The following GOT2 variants were observed in gnomAD, a reference collection of about 807,000 sequenced individuals.
GOT2 encodes the protein aspartate aminotransferase, mitochondrial.
A neutral mutation model predicts 50.0 loss-of-function variants in GOT2; 17 were observed. That is an observed-to-expected ratio of 0.34 (90% CI 0.23 to 0.51). The LOEUF is 0.51. Among genes scored for constraint, GOT2 ranks in the 20% least tolerant of loss-of-function variants. The pLI, the probability that GOT2 is intolerant of heterozygous loss-of-function variation, is 0.97. For synonymous variants in GOT2, 172 were observed against 204.9 expected, an observed-to-expected ratio of 0.84 and a Z score of 1.37; for missense variants, 430 against 559.6, an observed-to-expected ratio of 0.77 and a Z score of 2.34.
intron 1 of GOT2, among the ~76,000 whole-genome samples, chr16:58,726,920 G>A (rs950250837): frequency 1.3e-5 from 2 of 151,950 alleles, no homozygotes; most frequent in Non-Finnish European, 1.5e-5. Context: ...TTGGGAAGCC[G>A]AAGTAGGCGG....
rs1249620765 is a variant in GOT2, at chr16:58,716,035, G to C, written c.998C>G (p.Thr333Ser). 6 of 1,612,830 alleles carry C rather than the reference G, an allele frequency of 3.7e-6. No individual in the cohort carries two copies. Among genetic ancestry groups the C allele is most frequent in the Admixed American group, 3.4e-5 (2 of 59,542 alleles). Residue 333 changes from threonine to serine, a missense_variant, in exon 8 of 10, where the codon ACC becomes AGC. Coordinates refer to ENST00000245206, the MANE Select transcript of GOT2 (RefSeq NM_002080.4). ...GARIAAAILN[T>S]PDLRKQWLQE... ...TTACCATTGTTTTCGCAAATCTGGG[G>C]TGTTCAGAATGGCAGCAGCAATCCG...
In GOT2 at chr16:58,718,428, C is replaced by T; in HGVS notation, c.597+99G>A. The T allele has an allele frequency of 2.9e-6, 4 of 1,366,340 alleles. No individual in the cohort carries two copies. In the South Asian group the frequency reaches 5.4e-5, roughly 18 times the overall value. 84.6% of individuals were successfully genotyped at this position (1,366,340 alleles called of 1,614,324 possible). A position where few individuals can be genotyped will look rare whatever the true frequency, so the allele number is the denominator to read the frequency against. On this transcript the variant is annotated intron_variant, in intron 5 of 9. Transcript: ENST00000245206. Reference sequence around the variant, plus strand: ...CAGAACCCTGGGAATCAGCTCTTCCCCAGTATTTTAACTCAGATATTGGGA... The same window carrying T: ...CAGAACCCTGGGAATCAGCTCTTCCTCAGTATTTTAACTCAGATATTGGGA...
chr16:58,712,039 T>C (rs1402065552), intron 8 of GOT2, among the ~76,000 whole-genome samples: 5 of 151,946 alleles, frequency 3.3e-5, no homozygotes, highest in African/African-American at 4.8e-5. Flanking sequence ...GCCTATGCCC[T>C]CACTCAGATC....
chr16:58,712,690 C>T (rs2044659062), intron 8 of GOT2, among the ~76,000 whole-genome samples: 1 of 152,002 alleles, frequency 6.6e-6, no homozygotes, highest in Admixed American at 6.6e-5. Flanking sequence ...ATCTTCATAA[C>T]CAGAGAATAT....
rs143988557 is a variant in GOT2 at position 58,733,899 on chromosome 16, C to A, written c.89+241G>T. 1,401 of 394,238 alleles carry A rather than the reference C, an allele frequency of 3.6e-3. 29 individuals carry two copies. The East Asian group carries it at 0.037, about 10-fold the overall frequency. The allele number at this position is 394,238 out of a possible 1,614,324, so 24.4% of individuals were successfully genotyped here. ...CCCTAGGGATTGCGTTGCACGCCTT[C>A]CTGCAGGGCCCAGTGCGGGGACCAG... On this transcript the variant is annotated intron_variant, in intron 1 of 9. Transcript: ENST00000245206.
At chr16:58,713,550 A>AT (rs776295344) in intron 8 of GOT2, among the ~76,000 whole-genome samples, 6 of 152,192 alleles carry the variant, frequency 3.9e-5, no homozygotes, top group Non-Finnish European at 5.9e-5. Flanking sequence ...GACTCTTAGT[A>AT]TTTACTTTAA....
chr16:58,722,357 G>A, intron 2 of GOT2, 79 bp from the exon 3 acceptor site: 1 of 1,429,166 alleles, frequency 7.0e-7, no homozygotes, highest in Non-Finnish European at 9.7e-7. Context: ...AGTTTTATAA[G>A]TTAAGTTTTG....
Position 58,722,143 on chromosome 16 carries a change from A to G in GOT2, c.375+7T>C. On this transcript the variant is annotated splice_region_variant and intron_variant, in intron 3 of 9. Coordinates refer to ENST00000245206, the MANE Select transcript of GOT2 (RefSeq NM_002080.4). ...CCTGGGATGATGCCAGAGCCTGCTCAGCTTACCCGGCCACTCTTCAAGACT... is the reference window on the plus strand; with the variant it reads ...CCTGGGATGATGCCAGAGCCTGCTCGGCTTACCCGGCCACTCTTCAAGACT... 6 of 1,611,868 alleles carry G rather than the reference A, an allele frequency of 3.7e-6. No individual in the cohort carries two copies. The highest frequency in any genetic ancestry group is 5.1e-6 in the Non-Finnish European group (6 of 1,179,770).
chr16:58,715,693 C>T lies in GOT2; in HGVS notation c.1019+321G>A, dbSNP rs143587077. 3.4e-3 allele frequency among the ~76,000 whole-genome samples: 511 copies of T among 152,318 alleles called. 5 individuals carry two copies. The highest frequency in any genetic ancestry group is 0.012 in the African/African-American group (493 of 41,570). ...TCATCCTCCCGAGTAGCTGGGATTACAGGCATGCACCACCACATCCGGCTA... is the reference window on the plus strand; with the variant it reads ...TCATCCTCCCGAGTAGCTGGGATTATAGGCATGCACCACCACATCCGGCTA... On this transcript the variant is annotated intron_variant, in intron 8 of 9. Coordinates refer to ENST00000245206, the MANE Select transcript of GOT2 (RefSeq NM_002080.4).
At position 58,719,216 on chromosome 16, in the gene GOT2, T is replaced by G. The variant is rs1437719372; in HGVS notation, c.415A>C (p.Arg139=). Residue 139 remains arginine, a synonymous_variant, in exon 4 of 10, where the codon AGG becomes CGG. Transcript: ENST00000245206. The part of the protein sequence containing the change: ...VQTISGTGAL[R]IGASFLQRFF... ...CTCACCAGAAAACTGGCTCCGATCC[T>G]TAAGGCTCCAGTTCCAGAAATGGTC... The G allele has an allele frequency of 1.1e-5, 17 of 1,613,248 alleles. No homozygotes were observed. The highest frequency in any genetic ancestry group is 1.4e-5 in the Non-Finnish European group (17 of 1,179,372).
chr16:58,711,282 C>T (rs981811071), intron 8 of GOT2, among the ~76,000 whole-genome samples: 6 of 152,062 alleles, frequency 3.9e-5, no homozygotes, highest in Admixed American at 3.3e-4. Flanking sequence ...TGCTAAAAGC[C>T]CCAAGGAGAG....
chr16:58,715,559 A>C (rs1016376249), intron 8 of GOT2, among the ~76,000 whole-genome samples: 20 of 151,952 alleles, frequency 1.3e-4, no homozygotes, highest in Non-Finnish European at 2.2e-4. Flanking sequence ...ATCTATCTAT[A>C]TATATAGATT....
intron 1 of GOT2, 56 bp from the exon 2 acceptor site, chr16:58,723,958 A>C (rs2152096647): frequency 6.7e-7 from 1 of 1,500,862 alleles, no homozygotes; most frequent in Non-Finnish European, 9.2e-7. Flanking sequence ...GATCCATTTT[A>C]CTTATTTATT....
chr16:58,720,355 A>G (rs75041389), intron 3 of GOT2, among the ~76,000 whole-genome samples: 2,548 of 152,272 alleles, frequency 0.017, 65 homozygotes, highest in African/African-American at 0.053. Context: ...AGAAATTACC[A>G]TAGGTTTAAG....
rs756000870 is a variant in GOT2 at position 58,716,792 on chromosome 16, A to G, written c.724T>C (p.Phe242Leu). 12 of 1,614,078 alleles carry G rather than the reference A, an allele frequency of 7.4e-6. No individual in the cohort carries two copies. In the South Asian group the frequency reaches 8.8e-5, roughly 12 times the overall value. Residue 242 changes from phenylalanine to leucine, a missense_variant, in exon 7 of 10, where the codon TTT (phenylalanine) becomes CTT (leucine). By Grantham distance (22) the Phe-to-Leu change is conservative (BLOSUM62 0). Transcript: ENST00000245206. ...VVKKRNLFAF[F>L]DMAYQGFASG... ...GCAAAGCCTTGGTAGGCCATGTCAA[A>G]GAACGCAAAGAGATTCCTTTTCTGA...
At chr16:58,713,038 G>T (rs1053520251) in intron 8 of GOT2, among the ~76,000 whole-genome samples, 2 of 152,212 alleles carry the variant, frequency 1.3e-5, no homozygotes, top group Non-Finnish European at 2.9e-5. Context: ...AGCAGAGGTT[G>T]CAGTGAGCCA....
intron 2 of GOT2, among the ~76,000 whole-genome samples, chr16:58,722,556 T>C (rs550166709): frequency 2.6e-5 from 4 of 151,526 alleles, no homozygotes; most frequent in African/African-American, 2.4e-5. Flanking sequence ...TTTTAGTAGA[T>C]ACGGGGTTTC....
chr16:58,718,238 G>A lies in GOT2; in HGVS notation c.660C>T (p.Asp220=). 1 of 1,613,944 alleles carries A rather than the reference G, an allele frequency of 6.2e-7. No individual in the cohort carries two copies. The highest frequency in any genetic ancestry group is 1.1e-5 in the South Asian group (1 of 91,076). ...HACAHNPTGV[D]PRPEQWKEIA... ...TTTCCTTCCACTGTTCCGGACGCGG[G>A]TCCACTCCCGTGGGATTGTGGGCGC... The change falls in exon 6 of 10, where the codon GAC becomes GAT. Residue 220 remains aspartate, a synonymous_variant. Coordinates refer to ENST00000245206, the MANE Select transcript of GOT2 (RefSeq NM_002080.4).
chr16:58,710,603 G>A (rs999727566), intron 8 of GOT2, among the ~76,000 whole-genome samples: 5 of 151,860 alleles, frequency 3.3e-5, no homozygotes, highest in Non-Finnish European at 7.4e-5. Flanking sequence ...AAAAGTGGGC[G>A]GGGCACGGTG....
Sources: allele counts gnomAD v4.1 joint callset (sites outside exome capture counted in the v4.1 genomes callset), GRCh38; gene constraint gnomAD v4.1.1; transcripts MANE v1.5; gene names NCBI Gene and HGNC (gene_info 2026-07-23, HGNC 2026-07-21).